The following RAP1GAP variants were observed in gnomAD, a reference collection of about 807,000 sequenced individuals.
RAP1GAP encodes RAP1 GTPase activating protein, also known as rap1 GTPase-activating protein 1.
A neutral mutation model predicts 87.2 loss-of-function variants in RAP1GAP; 35 were observed. The observed-to-expected ratio is 0.40, with a 90% CI of 0.31 to 0.53. The LOEUF is 0.53. RAP1GAP is among the 20% of genes least tolerant of loss of function. The probability of loss-of-function intolerance (pLI) is 0.48; values close to 1 mark genes in which losing one functional copy is unlikely to be tolerated. For synonymous variants in RAP1GAP, 375 were observed against 363.9 expected (o/e 1.03, Z -0.35); for missense variants, 734 against 898.9 (o/e 0.82, Z 2.35).
chr1:21,632,796 G>T (rs954661807), intron 2 of RAP1GAP, among the ~76,000 whole-genome samples: 1 of 151,968 alleles, frequency 6.6e-6, no homozygotes, highest in African/African-American at 2.4e-5. Context: ...AGGCACTCAG[G>T]AGGCTGAGGT....
chr1:21,626,330 A>C lies in RAP1GAP; in HGVS notation c.-45T>G. The C allele has an allele frequency of 2.5e-6, 4 of 1,611,820 alleles. No individual in the cohort carries two copies. The highest frequency in any genetic ancestry group is 2.5e-6 in the Non-Finnish European group (3 of 1,178,028). On this transcript the variant is annotated 5_prime_UTR_variant, in exon 3 of 25. Transcript: ENST00000374765. Reference sequence around the variant, plus strand: ...TTAGGGTAGAGTGAAGGAGTATAGGAGGGAACTAAGTTCACTCGTGACAGG... The same window carrying C: ...TTAGGGTAGAGTGAAGGAGTATAGGCGGGAACTAAGTTCACTCGTGACAGG...
rs2070892035 is a variant in RAP1GAP, at chr1:21,603,423, C to T, written c.1429-510G>A. ...GATGCCCCAGGCCCCAGAAGCCCGC[C>T]CCCAGCTTCTCTGGAGGCAGGAAGG... is the stretch of plus-strand genomic sequence containing the variant. On this transcript the variant is annotated intron_variant, in intron 18 of 24. Transcript: ENST00000374765. This position sits in a 1 kb window ranked among gnomAD's most constrained non-coding sequence, Gnocchi z 6.0. 5 of 556,172 alleles carry T rather than the reference C, an allele frequency of 9.0e-6. No homozygotes were observed. In the South Asian group the frequency reaches 1.2e-4, roughly 13 times the overall value. The allele number at this position is 556,172 out of a possible 1,614,324, so 34.5% of individuals were successfully genotyped here.
At chr1:21,665,343 C>A in intron 1 of RAP1GAP, 1 of 444,730 alleles carries the variant, frequency 2.2e-6, no homozygotes, top group Non-Finnish European at 4.6e-6. Flanking sequence ...GTCACTTTCT[C>A]TCTTTGAGCC....
At chr1:21,623,396 G>C (rs1046490918) in intron 3 of RAP1GAP, among the ~76,000 whole-genome samples, 1 of 152,242 alleles carries the variant, frequency 6.6e-6, no homozygotes, top group Non-Finnish European at 1.5e-5. Flanking sequence ...GCAGGGACAG[G>C]GACAGGGCCT....
At chr1:21,601,653 C>T in intron 20 of RAP1GAP, 31 bp downstream of exon 20, 8 of 1,527,962 alleles carry the variant, frequency 5.2e-6, no homozygotes, top group Non-Finnish European at 7.2e-6. Context: ...CACTCCCAAG[C>T]CCCCAAGCCC....
chr1:21,669,238 G>A lies in RAP1GAP; in HGVS notation c.-149+16C>T. 8.0e-7 allele frequency: 1 copy of A among 1,251,954 alleles called. No individual in the cohort carries two copies. Among genetic ancestry groups the A allele is most frequent in the Non-Finnish European group, 1.0e-6 (1 of 973,230 alleles). 77.6% of individuals were successfully genotyped at this position (1,251,954 alleles called of 1,614,324 possible). A position where few individuals can be genotyped will look rare whatever the true frequency, so the allele number is the denominator to read the frequency against. ...TTCCCCTTTCCAGGGCCGCAGCCCTGGCGGGGCGCACTCACCCAAGGGCCT... is the reference window on the plus strand; with the variant it reads ...TTCCCCTTTCCAGGGCCGCAGCCCTAGCGGGGCGCACTCACCCAAGGGCCT... On this transcript the variant is annotated intron_variant, in intron 1 of 24. Coordinates refer to ENST00000374765, the MANE Select transcript of RAP1GAP (RefSeq NM_002885.4). The surrounding 1 kb of genome is among the most constrained non-coding windows in gnomAD (Gnocchi z 5.6).
chr1:21,669,157 C>T lies in RAP1GAP; in HGVS notation c.-149+97G>A. 1 of 1,182,530 alleles carries T rather than the reference C, an allele frequency of 8.5e-7. No individual in the cohort carries two copies. The highest frequency in any genetic ancestry group is 1.1e-6 in the Non-Finnish European group (1 of 938,210). The allele number at this position is 1,182,530 out of a possible 1,614,324, so 73.3% of individuals were successfully genotyped here. A position where few individuals can be genotyped will look rare whatever the true frequency, so the allele number is the denominator to read the frequency against. ...GTTCGCCCCCACCCTCCGTCCCCGC[C>T]CGCCCGCGCGGGGTCTTCGCTGCGA... On this transcript the variant is annotated intron_variant, in intron 1 of 24. Coordinates refer to ENST00000374765, the MANE Select transcript of RAP1GAP (RefSeq NM_002885.4). The surrounding 1 kb of genome is among the most constrained non-coding windows in gnomAD (Gnocchi z 5.6).
At chr1:21,608,688 T>G (rs895478961) in intron 16 of RAP1GAP, among the ~76,000 whole-genome samples, 162 bp downstream of exon 16, 7 of 148,534 alleles carry the variant, frequency 4.7e-5, no homozygotes, top group African/African-American at 1.8e-4. Flanking sequence ...TCCCTCCGGC[T>G]TCCTCTCCCC....
At chr1:21,652,116 GGCC>G in intron 1 of RAP1GAP, among the ~76,000 whole-genome samples, 1 of 17,992 alleles carries the variant, frequency 5.6e-5, no homozygotes, top group East Asian at 1.5e-3. Flanking sequence ...CCCCCTTCCC[GGCC>G]GCCGCCCCCC....
At chr1:21,664,992 A>AT (rs2097292913) in intron 1 of RAP1GAP, among the ~76,000 whole-genome samples, 1 of 152,132 alleles carries the variant, frequency 6.6e-6, no homozygotes, top group Non-Finnish European at 1.5e-5. Context: ...AAGGCAGGTG[A>AT]TTTTTCCAAA....
At chr1:21,619,908 TG>T in intron 4 of RAP1GAP, 106 bp downstream of exon 4, 2 of 1,203,342 alleles carry the variant, frequency 1.7e-6, no homozygotes, top group Non-Finnish European at 2.4e-6. Context: ...TCTACTGGCG[TG>T]GCCTGTCCTC....
chr1:21,602,211 C>T (rs537704815), intron 19 of RAP1GAP, among the ~76,000 whole-genome samples: 11 of 152,382 alleles, frequency 7.2e-5, no homozygotes, highest in South Asian at 2.1e-4. Context: ...TGGCCTCACA[C>T]GCAGTGCCCT....
chr1:21,608,804 T>A (rs1445331405), intron 16 of RAP1GAP, 46 bp downstream of exon 16: 1 of 1,548,962 alleles, frequency 6.5e-7, no homozygotes. Context: ...AGTTATAGGT[T>A]GGAAGGTGAG....
In RAP1GAP at chr1:21,634,372, G is replaced by A. The variant is rs1033169552; in HGVS notation, c.-112-7975C>T. Among the ~76,000 whole-genome samples the A allele has an allele frequency of 9.2e-5, 14 of 152,192 alleles. No individual in the cohort carries two copies. The highest frequency in any genetic ancestry group is 3.9e-4 in the East Asian group (2 of 5,188). ...GCGGCAGGGGGACTATTTGCCATGC[G>A]GGCACTGTGATGTCATTCAATCCTT... On this transcript the variant is annotated intron_variant, in intron 2 of 24. Transcript: ENST00000374765. The surrounding 1 kb of genome is among the most constrained non-coding windows in gnomAD (Gnocchi z 4.1).
chr1:21,651,783 C>A (rs2096592573), intron 1 of RAP1GAP: 2 of 1,437,618 alleles, frequency 1.4e-6, no homozygotes, highest in Non-Finnish European at 9.1e-7. Context: ...CCCTACCCGC[C>A]GTAGGCCCCG....
intron 18 of RAP1GAP, among the ~76,000 whole-genome samples, chr1:21,604,889 GTGGATGGGTGGGTGGATGGA>G (rs2072957369): frequency 2.3e-5 from 3 of 132,464 alleles, no homozygotes; most frequent in African/African-American, 8.3e-5. Context: ...GGATGGATGG[GTGGATGGGTGGGTGGATGGA>G]TGGATTGATG....
rs758170647 is a variant in RAP1GAP at position 21,613,654 on chromosome 1, A to T, written c.448T>A (p.Phe150Ile). 47 of 1,613,458 alleles carry T rather than the reference A, an allele frequency of 2.9e-5. 1 individual carries two copies. The South Asian group carries it at 3.8e-4, about 13-fold the overall frequency. ...DVIPISCLTE[F>I]PNVVQMAKLV... ...TTTGCCATCTGGACAACATTAGGGA[A>T]CTCGGTGAGGCAGGAGATGGGGATG... Residue 150 changes from phenylalanine to isoleucine, a missense_variant, in exon 9 of 25, where the codon TTC becomes ATC. Phe to Ile is a conservative substitution (Grantham distance 21). Coordinates refer to ENST00000374765, the MANE Select transcript of RAP1GAP (RefSeq NM_002885.4). The surrounding 1 kb of genome is among the most constrained non-coding windows in gnomAD (Gnocchi z 4.7).
chr1:21,652,143 A>AC (rs1490468217), intron 1 of RAP1GAP, among the ~76,000 whole-genome samples: 1 of 133,818 alleles, frequency 7.5e-6, no homozygotes, highest in African/African-American at 2.8e-5. Context: ...CAGGCCGCAG[A>AC]CCCTCTGTTG....
At chr1:21,659,072 T>G (rs1279107006) in intron 1 of RAP1GAP, among the ~76,000 whole-genome samples, 2 of 151,424 alleles carry the variant, frequency 1.3e-5, no homozygotes, top group African/African-American at 2.4e-5. Flanking sequence ...GCCCAGCTAA[T>G]TTTTGTATTT....
Sources: gnomAD v4.1 joint callset for allele counts (sites outside exome capture counted in the v4.1 genomes callset) on GRCh38, gnomAD v4.1.1 for gene constraint, Gnocchi (gnomAD v3.1) non-coding constraint, MANE v1.5 for transcripts, NCBI Gene and HGNC (gene_info 2026-07-23, HGNC 2026-07-21) for gene names.